Variants in C5orf52 observed in about 807,000 individuals in gnomAD.
The protein encoded by C5orf52 is chromosome 5 open reading frame 52.
Under a neutral mutation model 16.8 loss-of-function variants are expected in C5orf52, and 15 were observed. That is an observed-to-expected ratio of 0.89 (90% CI 0.60 to 1.38). The LOEUF is 1.38. C5orf52 is among the 40% of genes most tolerant of loss of function. The pLI is 0.00. For synonymous variants in C5orf52, 83 were observed against 87.2 expected, an observed-to-expected ratio of 0.95 and a Z score of 0.27; for missense variants, 206 against 213.1, an observed-to-expected ratio of 0.97 and a Z score of 0.21.
chr5:157,678,378 A>G (rs960867539), intron 2 of C5orf52, among the ~76,000 whole-genome samples: 1 of 152,148 alleles, frequency 6.6e-6, no homozygotes, highest in African/African-American at 2.4e-5. Context: ...ATCACCACCC[A>G]CCACATTGTT....
rs1759871528 is a variant in C5orf52 at position 157,675,133 on chromosome 5, C to G, written c.254C>G (p.Pro85Arg). 2 of 1,551,600 alleles carry G rather than the reference C, an allele frequency of 1.3e-6. No individual in the cohort carries two copies. The highest frequency in any genetic ancestry group is 1.7e-6 in the Non-Finnish European group (2 of 1,146,832). ...GAAGCAGCGATGAAAAAAACTTTAC[C>G]CAAGAGCCATTTATCTCGGGTGATT... ...SSEAAMKKTL[P>R]KSHLSRVIIH... Residue 85 changes from proline (P) to arginine (R), a missense_variant, in exon 2 of 3, where the codon CCC (proline) becomes CGC (arginine). By Grantham distance (103) the Pro-to-Arg change is moderately radical (BLOSUM62 -2). Transcript: ENST00000409999.
At chr5:157,672,556 CA>C (rs999068367) in intron 1 of C5orf52, among the ~76,000 whole-genome samples, 3 of 151,186 alleles carry the variant, frequency 2.0e-5, no homozygotes, top group South Asian at 2.1e-4. Context: ...ACAACAACAA[CA>C]AAAAAAAACC....
At chr5:157,671,883 A>G (rs1234172193) in intron 1 of C5orf52, 57 bp downstream of exon 1, 1 of 1,211,618 alleles carries the variant, frequency 8.3e-7, no homozygotes, top group African/African-American at 1.5e-5. Flanking sequence ...AGGGAACCCT[A>G]ACTCTTTGGG....
chr5:157,675,221 T>C, intron 2 of C5orf52, 21 bp downstream of exon 2: 1 of 1,389,020 alleles, frequency 7.2e-7, no homozygotes, highest in South Asian at 1.2e-5. Flanking sequence ...CACAAGCTTT[T>C]GCATTAGAGG....
intron 2 of C5orf52, among the ~76,000 whole-genome samples, chr5:157,676,097 G>C (rs1211696995): frequency 6.6e-6 from 1 of 152,078 alleles, no homozygotes; most frequent in African/African-American, 2.4e-5. Flanking sequence ...TTTTGAGACA[G>C]AATTTCATTC....
chr5:157,679,769 C>T lies in C5orf52; in HGVS notation c.322-72C>T, dbSNP rs974001456. The T allele has an allele frequency of 4.9e-5, 69 of 1,405,348 alleles. No homozygotes were observed. In the African/African-American group the frequency reaches 8.5e-4, roughly 17 times the overall value. The allele number at this position is 1,405,348 out of a possible 1,614,324, so 87.1% of individuals were successfully genotyped here. On this transcript the variant is annotated intron_variant, in intron 2 of 2. Transcript: ENST00000409999. ...CCCCCATCAGTAGCACAGATGTCTG[C>T]CCTGCTGCGAAGTAATCCTAATCTC...
chr5:157,679,812 A>T, intron 2 of C5orf52, 29 bp from the exon 3 acceptor site: 1 of 1,539,216 alleles, frequency 6.5e-7, no homozygotes, highest in Non-Finnish European at 8.8e-7. Context: ...TAGGATCTTG[A>T]TCCTAACCTC....
chr5:157,678,383 A>G (rs1406025745), intron 2 of C5orf52, among the ~76,000 whole-genome samples: 1 of 152,114 alleles, frequency 6.6e-6, no homozygotes, highest in Admixed American at 6.6e-5. Flanking sequence ...CACCCACCAC[A>G]TTGTTTCTAC....
chr5:157,676,946 G>A (rs1759907254), intron 2 of C5orf52, among the ~76,000 whole-genome samples: 1 of 146,380 alleles, frequency 6.8e-6, no homozygotes, highest in Non-Finnish European at 1.5e-5. Flanking sequence ...ACAGCTTGCT[G>A]TAGCCTCAAC....
At chr5:157,674,642 C>T (rs1759861924) in intron 1 of C5orf52, among the ~76,000 whole-genome samples, 1 of 152,130 alleles carries the variant, frequency 6.6e-6, no homozygotes, top group Non-Finnish European at 1.5e-5. Flanking sequence ...GTGGCGAGTG[C>T]CTGTAGTGCC....
intron 1 of C5orf52, among the ~76,000 whole-genome samples, chr5:157,674,796 G>A (rs1203426978): frequency 6.6e-6 from 1 of 152,098 alleles, no homozygotes; most frequent in Non-Finnish European, 1.5e-5. Context: ...AAGGGTGACT[G>A]CTTCTGAGGA....
At chr5:157,676,875 T>C (rs1045737591) in intron 2 of C5orf52, among the ~76,000 whole-genome samples, 7 of 143,210 alleles carry the variant, frequency 4.9e-5, no homozygotes, top group Non-Finnish European at 7.6e-5. Context: ...TTTTTTCTTT[T>C]TTTTTTTTTT....
intron 2 of C5orf52, 26 bp downstream of exon 2, chr5:157,675,226 T>C: frequency 7.5e-7 from 1 of 1,329,284 alleles, no homozygotes; most frequent in Non-Finnish European, 1.1e-6. Flanking sequence ...GCTTTTGCAT[T>C]AGAGGGTGTT....
At chr5:157,675,310 G>C in intron 2 of C5orf52, 110 bp downstream of exon 2, 1 of 691,186 alleles carries the variant, frequency 1.4e-6, no homozygotes, top group Non-Finnish European at 2.5e-6. Flanking sequence ...AGTCATCAAG[G>C]TGCTCTAAGG....
Position 157,680,017 on chromosome 5 carries a change from A to G in C5orf52, c.*18A>G. On this transcript the variant is annotated 3_prime_UTR_variant, in exon 3 of 3. Transcript: ENST00000409999. ...CAGTTTAAACTCCAGTCTCCCAAGA[A>G]AGGCCAACCACCCTAGTTCTGGCAA... 6.5e-7 allele frequency: 1 copy of G among 1,549,710 alleles called. No individual in the cohort carries two copies. The highest frequency in any genetic ancestry group is 8.7e-7 in the Non-Finnish European group (1 of 1,146,190).
At chr5:157,677,773 C>T (rs531755789) in intron 2 of C5orf52, among the ~76,000 whole-genome samples, 17 of 151,722 alleles carry the variant, frequency 1.1e-4, no homozygotes, top group Middle Eastern at 3.4e-3. Context: ...CACTTGAGGT[C>T]GGGAGTTTGA....
chr5:157,674,969 G>A (rs1759868848), intron 1 of C5orf52, 123 bp from the exon 2 acceptor site: 1 of 629,128 alleles, frequency 1.6e-6, no homozygotes, highest in South Asian at 2.0e-5. Context: ...AATTATGACA[G>A]AGCTGCACTT....
rs575541718 is a variant in C5orf52 at position 157,676,204 on chromosome 5, C to G, written c.321+1004C>G. ...TCTCCTGCCTCACCCTCCCAAGTAG[C>G]TGGAATTACAGGCATGCACCACTAC... is the stretch of plus-strand genomic sequence containing the variant. On this transcript the variant is annotated intron_variant, in intron 2 of 2. Coordinates refer to ENST00000409999, the MANE Select transcript of C5orf52 (RefSeq NM_001145132.2). Among the ~76,000 whole-genome samples, 3 of 152,272 alleles carry G rather than the reference C, an allele frequency of 2.0e-5. No individual in the cohort carries two copies. The East Asian group carries it at 5.8e-4, about 29-fold the overall frequency.
rs1382842860 is a variant in C5orf52 at position 157,671,628 on chromosome 5, C to CT, written c.15dup (p.Arg6Ter). On this transcript the variant is annotated frameshift_variant, in exon 1 of 3. Transcript: ENST00000409999. LOFTEE classifies it high-confidence loss of function. ...AGGGAAGCCGCAATGACACAGCCGA[C>CT]TAGGCCCTCGGTCACCTGTGACCAG... The CT allele has an allele frequency of 6.5e-7, 1 of 1,549,960 alleles. No individual in the cohort carries two copies. The highest frequency in any genetic ancestry group is 2.4e-5 in the East Asian group (1 of 40,872).
Sources: gnomAD v4.1 joint callset for allele counts (sites outside exome capture counted in the v4.1 genomes callset) on GRCh38, gnomAD v4.1.1 for gene constraint, MANE v1.5 for transcripts, NCBI Gene and HGNC (gene_info 2026-07-23, HGNC 2026-07-21) for gene names.